The following GOLGA6L22 variants were observed in gnomAD, a reference collection of about 807,000 sequenced individuals.
GOLGA6L22 encodes the protein golgin subfamily A member 6-like protein 22.
In GOLGA6L22, 28 loss-of-function variants were observed where a neutral mutation model predicts 77.1. That is an observed-to-expected ratio of 0.36 (90% CI 0.27 to 0.50). The LOEUF (loss-of-function observed/expected upper bound fraction) is 0.50. Among genes scored for constraint, GOLGA6L22 ranks in the 20% least tolerant of loss-of-function variants. The pLI is 0.97. For missense variants in GOLGA6L22, 250 were observed against 620.4 expected (o/e 0.40, Z 6.34); for synonymous variants, 62 against 185.3 (o/e 0.33, Z 5.41).
At chr15:22,465,646 G>A in exon 8 of GOLGA6L22, 2 of 841,954 alleles carry the variant, frequency 2.4e-6, no homozygotes, top group Non-Finnish European at 3.4e-6. Flanking sequence ...GGCAAAAGGA[G>A]AAGATGCACG....
chr15:22,465,870 A>G, exon 8 of GOLGA6L22: 2 of 1,400,470 alleles, frequency 1.4e-6, no homozygotes, highest in Non-Finnish European at 1.9e-6. Context: ...CGGGAGCAGG[A>G]GGAGATGTGG....
At chr15:22,466,860 A>G in intron 8 of GOLGA6L22, 35 bp downstream of exon 8, 1 of 466,284 alleles carries the variant, frequency 2.1e-6, no homozygotes, top group Non-Finnish European at 3.6e-6. Flanking sequence ...AGGCTGGGGA[A>G]GCTGGGGCAG....
In GOLGA6L22 at chr15:22,466,385, G is replaced by T. The variant is rs751806952; in HGVS notation, c.1993G>T (p.Glu665Ter). The T allele has an allele frequency of 7.7e-6, 11 of 1,420,954 alleles. 1 individual carries two copies. The highest frequency in any genetic ancestry group is 1.0e-5 in the Non-Finnish European group (11 of 1,064,614). The allele number at this position is 1,420,954 out of a possible 1,614,324, so 88.0% of individuals were successfully genotyped here. A position where few individuals can be genotyped will look rare whatever the true frequency, so the allele number is the denominator to read the frequency against. ...GGAAGAGAAGATGGGGGAGCAGGAGGAGAAGATTTGGGAGCAGGAAGAGAA... is the reference window on the plus strand; with the variant it reads ...GGAAGAGAAGATGGGGGAGCAGGAGTAGAAGATTTGGGAGCAGGAAGAGAA... Residue 665 changes from glutamate to a stop codon, truncating the protein, a stop_gained, in exon 8 of 9, where the codon GAG becomes TAG. Transcript: ENST00000622895. LOFTEE classifies it high-confidence loss of function.
chr15:22,463,755 T>G, intron 5 of GOLGA6L22, 86 bp from the exon 6 acceptor site: 1 of 537,806 alleles, frequency 1.9e-6, no homozygotes, highest in Non-Finnish European at 3.2e-6. Context: ...AGTGTTACTG[T>G]GGAGTAGTCA....
At chr15:22,466,352 C>G in exon 8 of GOLGA6L22, 2 of 1,338,612 alleles carry the variant, frequency 1.5e-6, no homozygotes, top group South Asian at 1.3e-5. Flanking sequence ...GGAGATGATG[C>G]AGGAACAGGA....
exon 8 of GOLGA6L22, chr15:22,466,775 G>C: frequency 1.7e-6 from 1 of 579,518 alleles, no homozygotes; most frequent in Non-Finnish European, 3.0e-6. Context: ...GAAGATGTGG[G>C]AGCAGGAAGT....
chr15:22,469,160 C>T (rs1197004884), exon 9 of GOLGA6L22: 3 of 113,786 alleles, frequency 2.6e-5, no homozygotes, highest in Non-Finnish European at 5.0e-5. Flanking sequence ...ACTGGTTGTA[C>T]CTATAACCCT....
intron 1 of GOLGA6L22, among the ~76,000 whole-genome samples, chr15:22,459,644 A>AC (rs755454484): frequency 0.026 from 2,939 of 112,862 alleles, 47 homozygotes; most frequent in East Asian, 0.047. Flanking sequence ...CAATTTTGTG[A>AC]CCCCCTCCCC....
rs1887760998 is a variant in GOLGA6L22 at position 22,468,161 on chromosome 15, CA to C, written c.*681del. ...TCTATGTTTTATTCATCTGGACTCC[CA>C]GGGGTGGCCCTTCCAGGGTCCCCAC... On this transcript the variant is annotated 3_prime_UTR_variant, in exon 9 of 9. Coordinates refer to ENST00000622895, the Ensembl canonical transcript of GOLGA6L22. 4 of 150,364 alleles carry C rather than the reference CA, an allele frequency of 2.7e-5. No individual in the cohort carries two copies. In the South Asian group the frequency reaches 8.7e-4, roughly 33 times the overall value. The allele number at this position is 150,364 out of a possible 1,614,324, so 9.3% of individuals were successfully genotyped here.
chr15:22,467,971 CATTT>C (rs1368938311), exon 9 of GOLGA6L22: 1 of 87,336 alleles, frequency 1.1e-5, no homozygotes, highest in Non-Finnish European at 2.3e-5. Context: ...TGGTCTTTCT[CATTT>C]AGTCTTGTGT....
At chr15:22,466,711 T>C (rs1303494916) in exon 8 of GOLGA6L22, 2 of 400,432 alleles carry the variant, frequency 5.0e-6, no homozygotes, top group Admixed American at 4.8e-5. Flanking sequence ...AGAAGATGTG[T>C]GAGCAGGAAG....
intron 5 of GOLGA6L22, among the ~76,000 whole-genome samples, chr15:22,463,381 C>A (rs1398601996): frequency 9.2e-5 from 13 of 140,802 alleles, no homozygotes; most frequent in Middle Eastern, 3.9e-3. Flanking sequence ...GCCAGGTGCT[C>A]TCGCTCACGC....
chr15:22,458,952 C>T, upstream of GOLGA6L22: 1 of 13,034 alleles, frequency 7.7e-5, no homozygotes, highest in Non-Finnish European at 1.3e-4. Flanking sequence ...CACACAGCGA[C>T]GTAGAGGTGA....
In GOLGA6L22 at chr15:22,465,767, G is replaced by T. The variant is rs750313571; in HGVS notation, c.1375G>T (p.Glu459Ter). 7.1e-7 allele frequency: 1 copy of T among 1,398,630 alleles called. No homozygotes were observed. The highest frequency in any genetic ancestry group is 1.3e-5 in the South Asian group (1 of 74,388). The allele number at this position is 1,398,630 out of a possible 1,614,324, so 86.6% of individuals were successfully genotyped here. ...GCAGGAGGAGAAGGTGTGGAGGCAG[G>T]AGGAGAAGATACGGGAGCAGGAGAA... The change falls in exon 8 of 9, where the codon GAG (glutamate) becomes TAG (stop). Residue 459 changes from glutamate (E) to a stop codon, truncating the protein, a stop_gained. Transcript: ENST00000622895. LOFTEE classifies it high-confidence loss of function.
chr15:22,462,104 T>C lies in GOLGA6L22; in HGVS notation c.231+20T>C. 7.8e-7 allele frequency: 1 copy of C among 1,280,290 alleles called. No homozygotes were observed. The highest frequency in any genetic ancestry group is 1.4e-5 in the South Asian group (1 of 73,530). The allele number at this position is 1,280,290 out of a possible 1,614,324, so 79.3% of individuals were successfully genotyped here. ...CTAGAGGTGAGTGGAGGGTGTGAAG[T>C]TCCCTCCTGCCCTCTGGAGAATGTT... On this transcript the variant is annotated intron_variant, in intron 3 of 8. Coordinates refer to ENST00000622895, the Ensembl canonical transcript of GOLGA6L22.
exon 9 of GOLGA6L22, chr15:22,468,940 A>G (rs1341432360): frequency 8.2e-6 from 1 of 122,658 alleles, no homozygotes; most frequent in Non-Finnish European, 1.7e-5. Flanking sequence ...ATTTAACATT[A>G]CTATGGAACC....
exon 9 of GOLGA6L22, chr15:22,468,275 GC>G (rs1353118985): frequency 1.4e-4 from 18 of 130,092 alleles, no homozygotes; most frequent in African/African-American, 5.3e-4. Flanking sequence ...AGGCTCTCCA[GC>G]CTCTTAACTA....
intron 7 of GOLGA6L22, among the ~76,000 whole-genome samples, 154 bp from the exon 8 acceptor site, chr15:22,464,869 G>A (rs1355804813): frequency 1.1e-4 from 15 of 132,618 alleles, no homozygotes; most frequent in African/African-American, 4.4e-4. Context: ...GGATGGTCTC[G>A]ATCTCCTGAC....
chr15:22,468,062 G>GT (rs1199804372), exon 9 of GOLGA6L22: 4 of 137,498 alleles, frequency 2.9e-5, no homozygotes, highest in Non-Finnish European at 4.7e-5. Flanking sequence ...CACAATTGGA[G>GT]TAAGGGCAGA....
Sources: gnomAD v4.1 joint callset for allele counts (sites outside exome capture counted in the v4.1 genomes callset) on GRCh38, gnomAD v4.1.1 for gene constraint, MANE v1.5 for transcripts, NCBI Gene and HGNC (gene_info 2026-07-23, HGNC 2026-07-21) for gene names.